CILP: variants seen among roughly 807,000 people sequenced by gnomAD.
The protein encoded by CILP is cartilage intermediate layer protein, also known as cartilage intermediate layer protein 1.
A neutral mutation model predicts 82.5 loss-of-function variants in CILP; 75 were observed. The ratio of observed to expected loss-of-function variants is 0.91; its 90% CI spans 0.75 to 1.10. The LOEUF is 1.10. Among genes scored for constraint, CILP ranks in the 50% least tolerant of loss-of-function variants. CILP has a pLI of 0.00. For synonymous variants in CILP, 530 were observed against 580.3 expected (o/e 0.91, Z 1.25); for missense variants, 1,479 against 1,530.8 (o/e 0.97, Z 0.56).
Position 65,206,762 on chromosome 15 carries a change from G to C in CILP, c.424+20C>G. On this transcript the variant is annotated intron_variant, in intron 4 of 8. Transcript: ENST00000261883. Reference sequence around the variant, plus strand: ...GGCCAGTGGGAAGTAGCGGGTGGGGGTGGGGGCGTTCTGGCTTACCTGGTG... The same window carrying C: ...GGCCAGTGGGAAGTAGCGGGTGGGGCTGGGGGCGTTCTGGCTTACCTGGTG... 1.3e-6 allele frequency: 2 copies of C among 1,594,904 alleles called. No individual in the cohort carries two copies. Among genetic ancestry groups the C allele is most frequent in the Non-Finnish European group, 1.7e-6 (2 of 1,166,720 alleles).
intron 7 of CILP, 109 bp from the exon 8 acceptor site, chr15:65,202,138 C>A (rs1484622232): frequency 3.4e-6 from 3 of 893,698 alleles, no homozygotes; most frequent in East Asian, 2.9e-5. Context: ...TGGGTTCCCA[C>A]AAATGTCAAT....
chr15:65,204,817 G>A (rs1213238125), intron 5 of CILP, among the ~76,000 whole-genome samples: 7 of 152,148 alleles, frequency 4.6e-5, no homozygotes, highest in African/African-American at 1.7e-4. Context: ...TCAGGAGTTT[G>A]AGACCAGCCT....
chr15:65,198,860 C>T lies in CILP; in HGVS notation c.1426G>A (p.Val476Met), dbSNP rs1250650832. ...QCSGYTLPTK[V>M]AKECSCQRCT... Reference sequence around the variant, plus strand: ...CGCTGGCAGCTGCACTCCTTGGCCACCTTGGTGGGTAGCGTGTAGCCACTG... The same window carrying T: ...CGCTGGCAGCTGCACTCCTTGGCCATCTTGGTGGGTAGCGTGTAGCCACTG... The change falls in exon 9 of 9, where the codon GTG (valine) becomes ATG (methionine). Residue 476 changes from valine to methionine, a missense_variant. Transcript: ENST00000261883. 6.2e-7 allele frequency: 1 copy of T among 1,614,104 alleles called. No homozygotes were observed. Among genetic ancestry groups the T allele is most frequent in the Admixed American group, 1.7e-5 (1 of 60,032 alleles).
chr15:65,208,638 A>G (rs751377546), intron 2 of CILP, among the ~76,000 whole-genome samples: 1 of 152,186 alleles, frequency 6.6e-6, no homozygotes, highest in Non-Finnish European at 1.5e-5. Context: ...GGATGGGTAC[A>G]GGGTCCTCGG....
At chr15:65,208,207 C>T (rs2088539688) in intron 2 of CILP, among the ~76,000 whole-genome samples, 1 of 152,118 alleles carries the variant, frequency 6.6e-6, no homozygotes, top group South Asian at 2.1e-4. Flanking sequence ...GATATTTATT[C>T]CCATCTCGCA....
intron 7 of CILP, among the ~76,000 whole-genome samples, chr15:65,202,986 C>G (rs2088476780): frequency 6.6e-6 from 1 of 152,044 alleles, no homozygotes; most frequent in Admixed American, 6.5e-5. Flanking sequence ...GAAACACAAG[C>G]CTGCAAACCT....
chr15:65,197,405 C>A lies in CILP; in HGVS notation c.2881G>T (p.Val961Leu). The change falls in exon 9 of 9, where the codon GTG becomes TTG. Residue 961 changes from valine (V) to leucine (L), a missense_variant. Coordinates refer to ENST00000261883, the MANE Select transcript of CILP (RefSeq NM_003613.4). Reference protein sequence around the residue: ...FRACYIKVKIVGPLEVNVRSR... With the variant: ...FRACYIKVKILGPLEVNVRSR... The stretch of plus-strand genomic sequence containing the variant: ...CGCACATTCACTTCCAGTGGCCCCA[C>A]AATCTTCACCTTGATATAGCAGGCC... 4 of 1,614,252 alleles carry A rather than the reference C, an allele frequency of 2.5e-6. No individual in the cohort carries two copies. The highest frequency in any genetic ancestry group is 3.4e-6 in the Non-Finnish European group (4 of 1,180,048).
At position 65,198,994 on chromosome 15, in the gene CILP, C is replaced by A. The variant is rs776061400; in HGVS notation, c.1292G>T (p.Arg431Leu). 6 of 1,611,796 alleles carry A rather than the reference C, an allele frequency of 3.7e-6. No homozygotes were observed. The highest frequency in any genetic ancestry group is 5.1e-6 in the Non-Finnish European group (6 of 1,180,014). The change falls in exon 9 of 9, where the codon CGC becomes CTC. Residue 431 changes from arginine to leucine, a missense_variant. Coordinates refer to ENST00000261883, the MANE Select transcript of CILP (RefSeq NM_003613.4). ...CCCTGCACAAGTCTTAACAGGGCAG[C>A]GTCCCACGTCATAGTAGAAGGAGTT... ...ATNSFYYDVGRCPVKTCAGQQ... is the reference protein window; with the variant it reads ...ATNSFYYDVGLCPVKTCAGQQ...
At position 65,197,505 on chromosome 15, in the gene CILP, G is replaced by A; in HGVS notation, c.2781C>T (p.Val927=). ...TCATAGGGTCATCTTCGTTGAAGGG[G>A]ACTGTGTTGTAGTCATATCGATCCC... ...IEGDRYDYNT[V]PFNEDDPMSW... is the part of the protein sequence containing the mutation. The change falls in exon 9 of 9, where the codon GTC becomes GTT. Residue 927 remains valine (V), a synonymous_variant. Coordinates refer to ENST00000261883, the MANE Select transcript of CILP (RefSeq NM_003613.4). The A allele has an allele frequency of 2.5e-6, 4 of 1,614,220 alleles. No homozygotes were observed. The highest frequency in any genetic ancestry group is 3.4e-6 in the Non-Finnish European group (4 of 1,180,046).
chr15:65,203,224 A>T, intron 7 of CILP, 138 bp downstream of exon 7: 1 of 590,774 alleles, frequency 1.7e-6, no homozygotes, highest in Non-Finnish European at 3.0e-6. Flanking sequence ...GTAAGTCCCA[A>T]CATCCGGGCT....
intron 2 of CILP, among the ~76,000 whole-genome samples, chr15:65,209,189 G>A (rs1202241543): frequency 6.6e-6 from 1 of 152,092 alleles, no homozygotes; most frequent in Non-Finnish European, 1.5e-5. Flanking sequence ...CCAGAGCTCA[G>A]TATCACCAGA....
At chr15:65,208,470 C>T (rs193116324) in intron 2 of CILP, among the ~76,000 whole-genome samples, 4 of 152,330 alleles carry the variant, frequency 2.6e-5, no homozygotes, top group South Asian at 4.1e-4. Flanking sequence ...TAGCACATAA[C>T]GCATACTGAA....
rs1032546251 is a variant in CILP at position 65,207,011 on chromosome 15, T to C, written c.195A>G (p.Pro65=). The C allele has an allele frequency of 6.2e-7, 1 of 1,613,836 alleles. No homozygotes were observed. Among genetic ancestry groups the C allele is most frequent in the African/African-American group, 1.3e-5 (1 of 74,910 alleles). ...EWTTWFNIDY[P]GGKGDYERLD... ...GCCGCTCATAGTCGCCCTTCCCGCC[T>C]GGGTAGTCGATGTTGAACCATGTTG... The change falls in exon 4 of 9, where the codon CCA becomes CCG. Residue 65 remains proline (P), a synonymous_variant. Coordinates refer to ENST00000261883, the MANE Select transcript of CILP (RefSeq NM_003613.4).
intron 8 of CILP, among the ~76,000 whole-genome samples, chr15:65,200,882 C>A (rs767469686): frequency 2.6e-5 from 4 of 152,218 alleles, no homozygotes; most frequent in Non-Finnish European, 4.4e-5. Context: ...TTACTTAAGC[C>A]CCAGCTGGAA....
At chr15:65,207,595 C>G in intron 3 of CILP, 77 bp downstream of exon 3, 1 of 1,309,866 alleles carries the variant, frequency 7.6e-7, no homozygotes, top group Non-Finnish European at 1.1e-6. Flanking sequence ...GACATCATGC[C>G]CTGGCTTCAG....
intron 3 of CILP, among the ~76,000 whole-genome samples, 182 bp downstream of exon 3, chr15:65,207,490 A>G (rs1164059723): frequency 1.3e-5 from 2 of 152,206 alleles, no homozygotes; most frequent in African/African-American, 4.8e-5. Context: ...GGTATCAGGC[A>G]GATTCCTGAT....
Position 65,198,094 on chromosome 15 carries a change from A to G in CILP, c.2192T>C (p.Val731Ala), listed in dbSNP as rs1566993092. The change falls in exon 9 of 9, where the codon GTG becomes GCG. Residue 731 changes from valine (V) to alanine (A), a missense_variant. Val to Ala is a moderately conservative substitution (Grantham distance 64). Coordinates refer to ENST00000261883, the MANE Select transcript of CILP (RefSeq NM_003613.4). The stretch of plus-strand genomic sequence containing the variant: ...CCTCTCACGAATCTCCAGGTTGCCC[A>G]CCAGGAAGGTTCTGTCTTCTCTTTT... ...RNKREDRTFLVGNLEIRERRL... is the reference protein window; with the variant it reads ...RNKREDRTFLAGNLEIRERRL... 1 of 1,614,246 alleles carries G rather than the reference A, an allele frequency of 6.2e-7. No individual in the cohort carries two copies. Among genetic ancestry groups the G allele is most frequent in the East Asian group, 2.2e-5 (1 of 44,886 alleles).
chr15:65,204,581 G>A lies in CILP; in HGVS notation c.606C>T (p.Ala202=). 5.0e-6 allele frequency: 8 copies of A among 1,592,590 alleles called. No homozygotes were observed. Among genetic ancestry groups the A allele is most frequent in the Non-Finnish European group, 6.8e-6 (8 of 1,175,070 alleles). Residue 202 remains alanine, a splice_region_variant and synonymous_variant, in exon 6 of 9, where the codon GCC becomes GCT. Transcript: ENST00000261883. ...GGCCCATTGGGCAGGTCAGGTCACA[G>A]GCTGTGGAACAAGGGGCCATATCAG... The part of the protein sequence containing the change: ...GQHCMGQDCT[A]CDLTCPMGQV...
chr15:65,209,578 C>T, intron 2 of CILP, 117 bp downstream of exon 2: 4 of 846,128 alleles, frequency 4.7e-6, no homozygotes, highest in Non-Finnish European at 5.8e-6. Flanking sequence ...ATAAAGTGGC[C>T]TCAGGTCTTA....
Sources: allele counts gnomAD v4.1 joint callset (sites outside exome capture counted in the v4.1 genomes callset), GRCh38; gene constraint gnomAD v4.1.1; transcripts MANE v1.5; gene names NCBI Gene and HGNC (gene_info 2026-07-23, HGNC 2026-07-21).